The following ELMOD3 variants were observed in gnomAD, a reference collection of about 807,000 sequenced individuals.
The protein encoded by ELMOD3 is ELMO domain containing 3.
A neutral mutation model predicts 47.4 loss-of-function variants in ELMOD3; 36 were observed. The observed-to-expected ratio is 0.76, with a 90% confidence interval of 0.58 to 1.00. ELMOD3 has a LOEUF of 1.00. Ranked by LOEUF, ELMOD3 falls within the 50% of genes least tolerant of loss-of-function variation. ELMOD3 has a pLI of 0.00. For missense variants in ELMOD3, 404 were observed against 463.8 expected, an observed-to-expected ratio of 0.87 and a Z score of 1.18; for synonymous variants, 149 against 183.5, an observed-to-expected ratio of 0.81 and a Z score of 1.52.
chr2:85,388,201 G>C (rs1240359190), intron 11 of ELMOD3, among the ~76,000 whole-genome samples: 1 of 152,046 alleles, frequency 6.6e-6, no homozygotes, highest in African/African-American at 2.4e-5. Context: ...TGTTGCCCAG[G>C]CTGGTCTTGA....
At chr2:85,377,891 G>A (rs1204639418) in intron 11 of ELMOD3, among the ~76,000 whole-genome samples, 2 of 152,090 alleles carry the variant, frequency 1.3e-5, no homozygotes, top group Non-Finnish European at 2.9e-5. Flanking sequence ...TGCTGTGTCC[G>A]GTTTCTATTG....
chr2:85,379,413 G>A (rs1279542292), intron 11 of ELMOD3, among the ~76,000 whole-genome samples: 10 of 152,130 alleles, frequency 6.6e-5, no homozygotes, highest in African/African-American at 2.4e-4. Context: ...CACCATGTTG[G>A]TCAGGCTGGT....
intron 4 of ELMOD3, among the ~76,000 whole-genome samples, chr2:85,361,931 A>C (rs1683995641): frequency 6.9e-6 from 1 of 144,306 alleles, no homozygotes; most frequent in South Asian, 2.2e-4. Flanking sequence ...ACTCCGTCTC[A>C]AAAAAAAAAA....
intron 10 of ELMOD3, chr2:85,371,883 T>C: frequency 3.9e-6 from 1 of 254,788 alleles, no homozygotes; most frequent in South Asian, 4.5e-5. Flanking sequence ...AAAATACAAA[T>C]ATTAGGGTGG....
chr2:85,357,377 T>C, intron 4 of ELMOD3, 125 bp downstream of exon 4: 1 of 543,136 alleles, frequency 1.8e-6, no homozygotes, highest in Non-Finnish European at 3.2e-6. Flanking sequence ...CTCTTTGTTC[T>C]GTAAGAAGGA....
At chr2:85,360,692 T>G (rs941673995) in intron 4 of ELMOD3, 1 of 171,396 alleles carries the variant, frequency 5.8e-6, no homozygotes, top group Non-Finnish European at 1.3e-5. Flanking sequence ...TTTTTTTCTC[T>G]GAGATTAAAC....
intron 11 of ELMOD3, among the ~76,000 whole-genome samples, chr2:85,380,406 A>G (rs1300044154): frequency 1.3e-5 from 2 of 152,222 alleles, no homozygotes; most frequent in Non-Finnish European, 2.9e-5. Flanking sequence ...TTTGATATTC[A>G]TGAACATTTT....
At chr2:85,373,769 G>A (rs1397471883) in intron 10 of ELMOD3, among the ~76,000 whole-genome samples, 2 of 149,822 alleles carry the variant, frequency 1.3e-5, no homozygotes, top group Non-Finnish European at 3.0e-5. Flanking sequence ...AACCCAGGAC[G>A]TGGAGGTTGC....
At chr2:85,384,626 C>T (rs186948472) in intron 11 of ELMOD3, among the ~76,000 whole-genome samples, 1 of 152,292 alleles carries the variant, frequency 6.6e-6, no homozygotes, top group East Asian at 1.9e-4. Flanking sequence ...CACCCTGTCA[C>T]CCAGGCTGGA....
intron 6 of ELMOD3, 65 bp downstream of exon 6, chr2:85,363,231 G>A: frequency 1.2e-6 from 1 of 854,898 alleles, no homozygotes; most frequent in Non-Finnish European, 2.0e-6. Context: ...CCATGCATCT[G>A]CTGTTCATCA....
intron 4 of ELMOD3, among the ~76,000 whole-genome samples, chr2:85,360,266 C>CAAA (rs753285939): frequency 1.4e-4 from 7 of 51,468 alleles, no homozygotes; most frequent in Non-Finnish European, 1.8e-4. Flanking sequence ...AACTCCATCT[C>CAAA]AAAAAAAAAA....
intron 11 of ELMOD3, among the ~76,000 whole-genome samples, chr2:85,385,176 C>T (rs773501395): frequency 2.0e-5 from 3 of 152,122 alleles, no homozygotes; most frequent in Non-Finnish European, 2.9e-5. Flanking sequence ...TTAGCTAGAA[C>T]TAAGGTCTCA....
At chr2:85,363,261 TTG>T in intron 6 of ELMOD3, 95 bp downstream of exon 6, 1 of 716,774 alleles carries the variant, frequency 1.4e-6, no homozygotes, top group Non-Finnish European at 2.5e-6. Context: ...CTCTCACTCC[TTG>T]TCTTTCAGAA....
At chr2:85,389,181 G>A (rs141462530) in intron 11 of ELMOD3, among the ~76,000 whole-genome samples, 1,770 of 152,312 alleles carry the variant, frequency 0.012, 142 homozygotes, top group Admixed American at 0.1. Flanking sequence ...GGTCTGACCC[G>A]CACAGCTGGC....
rs757152587 is a variant in ELMOD3, at chr2:85,371,473, G to A, written c.518G>A (p.Arg173Gln). ...GLDSQDPVHG[R>Q]VLQTIYKKLT... Reference sequence around the variant, plus strand: ...GATAGCCAAGACCCAGTGCATGGCCGAGTCCTCCAGACCATCTATAAGAAG... The same window carrying A: ...GATAGCCAAGACCCAGTGCATGGCCAAGTCCTCCAGACCATCTATAAGAAG... Residue 173 changes from arginine (R) to glutamine (Q), a missense_variant, in exon 10 of 14, where the codon CGA becomes CAA. Coordinates refer to ENST00000409013, the MANE Select transcript of ELMOD3 (RefSeq NM_001135022.2). The A allele has an allele frequency of 2.5e-5, 40 of 1,614,076 alleles. No homozygotes were observed. Among genetic ancestry groups the A allele is most frequent in the Middle Eastern group, 3.3e-4 (2 of 6,082 alleles).
chr2:85,369,854 G>T, intron 8 of ELMOD3, 24 bp downstream of exon 8: 1 of 1,612,234 alleles, frequency 6.2e-7, no homozygotes, highest in Non-Finnish European at 8.5e-7. Context: ...AGGGTTTGGA[G>T]TCTCAAGCAA....
intron 10 of ELMOD3, among the ~76,000 whole-genome samples, chr2:85,373,549 G>T (rs1573117795): frequency 6.6e-6 from 1 of 152,004 alleles, no homozygotes; most frequent in East Asian, 1.9e-4. Context: ...TGGAGAAAAA[G>T]GAAAATCTGG....
At chr2:85,368,238 C>G (rs1203679679) in intron 6 of ELMOD3, 1 of 161,908 alleles carries the variant, frequency 6.2e-6, no homozygotes, top group Admixed American at 5.9e-5. Flanking sequence ...CTCACTCTAG[C>G]AAACCTGTGA....
chr2:85,364,825 A>ATATATATATATATATATTTTTTTTT (rs375582916), intron 6 of ELMOD3, among the ~76,000 whole-genome samples: 2 of 69,892 alleles, frequency 2.9e-5, no homozygotes, highest in African/African-American at 1.3e-4. Flanking sequence ...ATATATATAT[A>ATATATATATATATATATTTTTTTTT]TTTTTTTTTT....
Sources: gnomAD v4.1 joint callset for allele counts (sites outside exome capture counted in the v4.1 genomes callset) on GRCh38, gnomAD v4.1.1 for gene constraint, MANE v1.5 for transcripts, NCBI Gene and HGNC (gene_info 2026-07-23, HGNC 2026-07-21) for gene names.